The following PRKN variants were observed in gnomAD, a reference collection of about 807,000 sequenced individuals.
PRKN encodes the protein parkin RBR E3 ubiquitin protein ligase.
Under a neutral mutation model 59.5 loss-of-function variants are expected in PRKN, and 56 were observed. The observed-to-expected ratio is 0.94, with a 90% CI of 0.76 to 1.18. PRKN has a LOEUF of 1.18. Ranked by LOEUF, PRKN falls within the 50% of genes most tolerant of loss-of-function variation. PRKN has a pLI of 0.00. For synonymous variants in PRKN, 250 were observed against 222.1 expected (o/e 1.13, Z -1.12); for missense variants, 657 against 596.4 (o/e 1.10, Z -1.06).
intron 6 of PRKN, among the ~76,000 whole-genome samples, chr6:161,837,586 A>C (rs373458640): frequency 6.6e-6 from 1 of 151,998 alleles, no homozygotes; most frequent in African/African-American, 2.4e-5. Flanking sequence ...AAAAAAAAAA[A>C]AAACAACCCA....
At position 162,132,787 on chromosome 6, in the gene PRKN, T is replaced by C. The variant is rs745621626; in HGVS notation, c.534+68344A>G. Among the ~76,000 whole-genome samples the C allele has an allele frequency of 5.9e-4, 89 of 151,848 alleles. 1 individual carries two copies. The highest frequency in any genetic ancestry group is 2.4e-3 in the Admixed American group (37 of 15,230). On this transcript the variant is annotated intron_variant, in intron 4 of 11. Transcript: ENST00000366898. ...CTCTGATAAGTGCTGTGGACAAAAATCAAGCAGAGCGGTGGGATGGCGGGT... is the reference window on the plus strand; with the variant it reads ...CTCTGATAAGTGCTGTGGACAAAAACCAAGCAGAGCGGTGGGATGGCGGGT...
rs1562353337 is a variant in PRKN at position 161,873,951 on chromosome 6, T to TA, written c.735-88044dup. On this transcript the variant is annotated intron_variant, in intron 6 of 11. Coordinates refer to ENST00000366898, the MANE Select transcript of PRKN (RefSeq NM_004562.3). ...ATATATAATATATATAAAAGAAATA[T>TA]ATATTATATGTAAAATATAATATAT... is the stretch of plus-strand genomic sequence containing the variant. 2.7e-4 allele frequency among the ~76,000 whole-genome samples: 30 copies of TA among 111,924 alleles called. 6 individuals are homozygous for TA. Among genetic ancestry groups the TA allele is most frequent in the African/African-American group, 1.1e-3 (30 of 28,422 alleles). 73.4% of individuals were successfully genotyped at this position (111,924 alleles called of 152,430 possible). A position where few individuals can be genotyped will look rare whatever the true frequency, so the allele number is the denominator to read the frequency against.
chr6:162,472,265 TA>T (rs577813601), intron 1 of PRKN, among the ~76,000 whole-genome samples: 216 of 151,870 alleles, frequency 1.4e-3, no homozygotes, highest in African/African-American at 4.6e-3. Context: ...GCAGGTTTGT[TA>T]CATATGTATA....
At chr6:161,840,201 T>G (rs1431941044) in intron 6 of PRKN, among the ~76,000 whole-genome samples, 1 of 152,158 alleles carries the variant, frequency 6.6e-6, no homozygotes, top group Non-Finnish European at 1.5e-5. Flanking sequence ...GGGGACCAAA[T>G]GGCAAGTGCA....
At chr6:161,506,921 G>T (rs556319831) in intron 9 of PRKN, among the ~76,000 whole-genome samples, 1 of 152,282 alleles carries the variant, frequency 6.6e-6, no homozygotes, top group South Asian at 2.1e-4. Context: ...GGCTGCCACG[G>T]AGCCAGGAGC....
At chr6:162,393,155 C>CTTTGTTTTTTTTTTTTTTT (rs1787290639) in intron 2 of PRKN, among the ~76,000 whole-genome samples, 1 of 80,190 alleles carries the variant, frequency 1.2e-5, no homozygotes, top group Non-Finnish European at 2.3e-5. Context: ...ATAGGAGATT[C>CTTTGTTTTTTTTTTTTTTT]TTTTTTTTTT....
Position 162,523,841 on chromosome 6 carries a change from A to G in PRKN, c.8-80368T>C, listed in dbSNP as rs111882635. Among the ~76,000 whole-genome samples, 488 of 152,194 alleles carry G rather than the reference A, an allele frequency of 3.2e-3. 5 individuals carry two copies. The highest frequency in any genetic ancestry group is 0.011 in the African/African-American group (466 of 41,508). On this transcript the variant is annotated intron_variant, in intron 1 of 11. Coordinates refer to ENST00000366898, the MANE Select transcript of PRKN (RefSeq NM_004562.3). ...AGACCAGCCTGGGCAACATAGCACC[A>G]CCCCATCTCTAAAAAGAAATTATGT...
In PRKN at chr6:162,525,335, G is replaced by A. The variant is rs1455755546; in HGVS notation, c.8-81862C>T. On this transcript the variant is annotated intron_variant, in intron 1 of 11. Transcript: ENST00000366898. The stretch of plus-strand genomic sequence containing the variant: ...TGGGTTCAGCTCACTCCAGACTCAC[G>A]GGCCTTCCTGCTGCCCGGTCCTCCC... Among the ~76,000 whole-genome samples the A allele has an allele frequency of 2.0e-5, 3 of 152,042 alleles. No homozygotes were observed. The East Asian group carries it at 5.8e-4, about 29-fold the overall frequency.
intron 1 of PRKN, among the ~76,000 whole-genome samples, chr6:162,638,206 C>G (rs1562458677): frequency 2.2e-5 from 2 of 91,280 alleles, no homozygotes; most frequent in Non-Finnish European, 4.1e-5. Flanking sequence ...AATATTATCC[C>G]TATGTTTATT....
intron 1 of PRKN, among the ~76,000 whole-genome samples, chr6:162,677,216 A>T (rs1779587591): frequency 6.6e-6 from 1 of 152,044 alleles, no homozygotes; most frequent in Admixed American, 6.6e-5. Context: ...GAAGGCATCA[A>T]GGTAAGCAGC....
intron 9 of PRKN, among the ~76,000 whole-genome samples, chr6:161,536,421 A>G (rs1019930800): frequency 8.7e-5 from 12 of 138,498 alleles, no homozygotes; most frequent in Admixed American, 7.0e-4. Flanking sequence ...TCCACACTTG[A>G]AAAAAAAAAA....
chr6:161,870,425 G>A (rs1192187046), intron 6 of PRKN, among the ~76,000 whole-genome samples: 1 of 152,150 alleles, frequency 6.6e-6, no homozygotes, highest in African/African-American at 2.4e-5. Flanking sequence ...ACAGAACAAA[G>A]CTAGCTGAAT....
intron 1 of PRKN, among the ~76,000 whole-genome samples, chr6:162,584,747 T>TC (rs1780939657): frequency 1.4e-5 from 2 of 146,624 alleles, no homozygotes; most frequent in African/African-American, 5.2e-5. Flanking sequence ...CCTTTCTGGG[T>TC]TTCTTTCTTT....
rs1203821567 is a variant in PRKN, at chr6:161,371,707, C to T, written c.1168-11502G>A. On this transcript the variant is annotated intron_variant, in intron 10 of 11. Coordinates refer to ENST00000366898, the MANE Select transcript of PRKN (RefSeq NM_004562.3). This position sits in a 1 kb window ranked among gnomAD's most constrained non-coding sequence, Gnocchi z 5.5. Reference sequence around the variant, plus strand: ...AGGCTGGAGTGCAATGACACAATCTCGGCTCACTACAACCTCCACCTCCTG... The same window carrying T: ...AGGCTGGAGTGCAATGACACAATCTTGGCTCACTACAACCTCCACCTCCTG... 1.3e-5 allele frequency among the ~76,000 whole-genome samples: 2 copies of T among 152,086 alleles called. No homozygotes were observed. The highest frequency in any genetic ancestry group is 1.9e-4 in the East Asian group (1 of 5,180).
intron 5 of PRKN, among the ~76,000 whole-genome samples, chr6:161,994,324 T>C (rs977792226): frequency 2.6e-5 from 4 of 151,788 alleles, no homozygotes; most frequent in African/African-American, 4.8e-5. Context: ...AAATTCAACA[T>C]TCCTTCATGA....
Position 161,405,416 on chromosome 6 carries a change from G to A in PRKN, c.1084-18539C>T, listed in dbSNP as rs1234447950. ...AACATGGTGAAACCCCGTCTCTACCGAAAATGCACAAATTAGCCAGGCATG... is the reference window on the plus strand; with the variant it reads ...AACATGGTGAAACCCCGTCTCTACCAAAAATGCACAAATTAGCCAGGCATG... On this transcript the variant is annotated intron_variant, in intron 9 of 11. Coordinates refer to ENST00000366898, the MANE Select transcript of PRKN (RefSeq NM_004562.3). This position sits in a 1 kb window ranked among gnomAD's most constrained non-coding sequence, Gnocchi z 5.1. 2.6e-5 allele frequency among the ~76,000 whole-genome samples: 4 copies of A among 151,524 alleles called. No homozygotes were observed. Among genetic ancestry groups the A allele is most frequent in the South Asian group, 2.1e-4 (1 of 4,798 alleles).
At chr6:161,573,664 G>A (rs1167247169) in intron 7 of PRKN, among the ~76,000 whole-genome samples, 29 of 140,528 alleles carry the variant, frequency 2.1e-4, no homozygotes, top group African/African-American at 7.3e-4. Context: ...AGCTTGCAGT[G>A]AGCCGAGATG....
rs141835001 is a variant in PRKN at position 161,715,829 on chromosome 6, C to G, written c.871+69943G>C. ...GGAAGCTTCTCAGTCCTCACAAGCT[C>G]CCCTACCATCCACTAGGACCCTCTG... is the stretch of plus-strand genomic sequence containing the variant. On this transcript the variant is annotated intron_variant, in intron 7 of 11. Transcript: ENST00000366898. Among the ~76,000 whole-genome samples, 312 of 152,260 alleles carry G rather than the reference C, an allele frequency of 2.0e-3. 7 individuals carry two copies. In the South Asian group the frequency reaches 0.042, roughly 21 times the overall value.
rs1358066211 is a variant in PRKN at position 161,355,862 on chromosome 6, G to T, written c.1285+4226C>A. On this transcript the variant is annotated intron_variant, in intron 11 of 11. Transcript: ENST00000366898. The surrounding 1 kb of genome is among the most constrained non-coding windows in gnomAD (Gnocchi z 6.8). ...AACAAATTAAGCAATGATCTGGGAA[G>T]GAAGTGGTGCTATGAAATTATTATT... Among the ~76,000 whole-genome samples, 2 of 152,220 alleles carry T rather than the reference G, an allele frequency of 1.3e-5. No individual in the cohort carries two copies. Among genetic ancestry groups the T allele is most frequent in the African/African-American group, 4.8e-5 (2 of 41,452 alleles).
Sources: allele counts gnomAD v4.1 joint callset (sites outside exome capture counted in the v4.1 genomes callset), GRCh38; gene constraint gnomAD v4.1.1; non-coding constraint Gnocchi (gnomAD v3.1); transcripts MANE v1.5; gene names NCBI Gene and HGNC (gene_info 2026-07-23, HGNC 2026-07-21).